Variants in RORA observed in about 807,000 individuals in gnomAD.
The protein encoded by RORA is RAR related orphan receptor A.
A neutral mutation model predicts 69.5 loss-of-function variants in RORA; 7 were observed. The ratio of observed to expected loss-of-function variants is 0.10; its 90% CI spans 0.06 to 0.19. The LOEUF is 0.19. Among genes scored for constraint, RORA ranks in the 10% least tolerant of loss-of-function variants. RORA has a pLI of 1.00. For synonymous variants in RORA, 261 were observed against 240.8 expected (o/e 1.08, Z -0.78); for missense variants, 457 against 663.0 (o/e 0.69, Z 3.41).
chr15:61,041,643 C>G (rs895965900), intron 1 of RORA, among the ~76,000 whole-genome samples: 1 of 152,156 alleles, frequency 6.6e-6, no homozygotes, highest in Non-Finnish European at 1.5e-5. Context: ...ACTGCAGCCT[C>G]GAACTCCTGG....
intron 2 of RORA, among the ~76,000 whole-genome samples, chr15:60,615,419 G>A (rs1309777959): frequency 6.6e-6 from 1 of 152,282 alleles, no homozygotes; most frequent in South Asian, 2.1e-4. Flanking sequence ...AATGAGAAGG[G>A]GAGGGAAGAT....
At chr15:60,937,323 T>G (rs946978580) in intron 1 of RORA, among the ~76,000 whole-genome samples, 1 of 152,206 alleles carries the variant, frequency 6.6e-6, no homozygotes, top group African/African-American at 2.4e-5. Context: ...TTAAGAGTAT[T>G]TACTGTCTGG....
intron 1 of RORA, among the ~76,000 whole-genome samples, chr15:60,804,284 T>C (rs1192371998): frequency 2.3e-5 from 1 of 42,682 alleles, no homozygotes; most frequent in Non-Finnish European, 4.4e-5. Context: ...GCAAACTCCA[T>C]CTCAAAAAAA....
At chr15:61,155,623 G>C (rs756899804) in intron 1 of RORA, among the ~76,000 whole-genome samples, 1 of 152,180 alleles carries the variant, frequency 6.6e-6, no homozygotes, top group South Asian at 2.1e-4. Flanking sequence ...AACAGAGACC[G>C]ATCAATGGGA....
At chr15:61,077,735 A>G (rs938300419) in intron 1 of RORA, among the ~76,000 whole-genome samples, 6 of 152,166 alleles carry the variant, frequency 3.9e-5, no homozygotes, top group African/African-American at 1.2e-4. Flanking sequence ...TAAAATAAAA[A>G]CTAATGCCCA....
intron 1 of RORA, among the ~76,000 whole-genome samples, chr15:61,027,334 C>T (rs1895876630): frequency 6.6e-6 from 1 of 152,254 alleles, no homozygotes; most frequent in South Asian, 2.1e-4. Flanking sequence ...CTAGCCATAC[C>T]TTTCTATTGG....
intron 2 of RORA, among the ~76,000 whole-genome samples, chr15:60,643,455 C>A (rs900394064): frequency 9.9e-5 from 15 of 152,168 alleles, no homozygotes; most frequent in Non-Finnish European, 2.1e-4. Flanking sequence ...AAGGAGGCTA[C>A]CACTCTTCTT....
Position 60,705,132 on chromosome 15 carries a change from A to AT in RORA, c.167-26447_167-26446insA, listed in dbSNP as rs958908303. Among the ~76,000 whole-genome samples the AT allele has an allele frequency of 9.9e-5, 15 of 151,494 alleles. No individual in the cohort carries two copies. The East Asian group carries it at 2.5e-3, about 25-fold the overall frequency. ...ATTATGACATTTTTGTGCCAGAAAA[A>AT]AAAAAAGAAAGAAAAAGTGAGCAGT... On this transcript the variant is annotated intron_variant, in intron 1 of 10. Transcript: ENST00000335670.
At chr15:60,827,123 T>C (rs1487546431) in intron 1 of RORA, among the ~76,000 whole-genome samples, 4 of 152,232 alleles carry the variant, frequency 2.6e-5, no homozygotes, top group Non-Finnish European at 5.9e-5. Context: ...CAAGCCCCTC[T>C]TCCCAATGTT....
At chr15:60,826,806 A>G (rs929071516) in intron 1 of RORA, among the ~76,000 whole-genome samples, 2 of 149,144 alleles carry the variant, frequency 1.3e-5, no homozygotes, top group Non-Finnish European at 3.0e-5. Flanking sequence ...TTTTAAAGAC[A>G]CACCTGTTCT....
At chr15:61,084,691 T>G (rs1337157639) in intron 1 of RORA, among the ~76,000 whole-genome samples, 1 of 152,210 alleles carries the variant, frequency 6.6e-6, no homozygotes, top group African/African-American at 2.4e-5. Flanking sequence ...AACAGAGCAA[T>G]GCACAGAACC....
intron 1 of RORA, among the ~76,000 whole-genome samples, chr15:60,897,559 C>A (rs1466349117): frequency 6.6e-6 from 1 of 152,218 alleles, no homozygotes. Flanking sequence ...GTCTGATTTA[C>A]CCTTGCTCAG....
At chr15:61,212,270 G>GATA (rs2079999907) in intron 1 of RORA, among the ~76,000 whole-genome samples, 1 of 151,944 alleles carries the variant, frequency 6.6e-6, no homozygotes, top group Non-Finnish European at 1.5e-5. Flanking sequence ...AAAAAAAAAG[G>GATA]CTGCAACACT....
chr15:60,608,840 A>G (rs1470377139), intron 2 of RORA, among the ~76,000 whole-genome samples: 1 of 152,158 alleles, frequency 6.6e-6, no homozygotes, highest in Admixed American at 6.5e-5. Context: ...ATCAGGCCTT[A>G]TAACAATCTA....
chr15:61,063,713 T>C (rs2078218440), intron 1 of RORA, among the ~76,000 whole-genome samples: 1 of 152,202 alleles, frequency 6.6e-6, no homozygotes, highest in Non-Finnish European at 1.5e-5. Context: ...ATAAAGTATT[T>C]AGAGTGCTTC....
At position 61,070,555 on chromosome 15, in the gene RORA, A is replaced by C. The variant is rs2078326615; in HGVS notation, c.166+158498T>G. ...GACAGATTTTTTCCACGGAAATAAAATACATGCTTATTCATCTGCTCATTC... is the reference window on the plus strand; with the variant it reads ...GACAGATTTTTTCCACGGAAATAAACTACATGCTTATTCATCTGCTCATTC... On this transcript the variant is annotated intron_variant, in intron 1 of 10. Coordinates refer to ENST00000335670, the MANE Select transcript of RORA (RefSeq NM_134261.3). 2.0e-5 allele frequency among the ~76,000 whole-genome samples: 3 copies of C among 152,258 alleles called. No individual in the cohort carries two copies. The South Asian group carries it at 6.2e-4, about 32-fold the overall frequency.
intron 1 of RORA, among the ~76,000 whole-genome samples, chr15:61,116,709 G>A (rs572975566): frequency 1.3e-5 from 2 of 152,170 alleles, no homozygotes; most frequent in Non-Finnish European, 2.9e-5. Context: ...CTGGGTGCTG[G>A]GTGAGTTCTG....
rs2065174160 is a variant in RORA at position 60,496,594 on chromosome 15, A to G, written c.*861T>C. On this transcript the variant is annotated 3_prime_UTR_variant, in exon 11 of 11. Transcript: ENST00000335670. The surrounding 1 kb of genome is among the most constrained non-coding windows in gnomAD (Gnocchi z 4.5). Reference sequence around the variant, plus strand: ...AGGGAGAGTTCCGTTTCTAATTCCAAATTCACATGTTAAAAAAAAAATCCA... The same window carrying G: ...AGGGAGAGTTCCGTTTCTAATTCCAGATTCACATGTTAAAAAAAAAATCCA... 6.6e-6 allele frequency: 1 copy of G among 152,150 alleles called. No individual in the cohort carries two copies. Among genetic ancestry groups the G allele is most frequent in the Non-Finnish European group, 1.5e-5 (1 of 68,024 alleles). The allele number at this position is 152,150 out of a possible 1,614,324, so 9.4% of individuals were successfully genotyped here. A position where few individuals can be genotyped will look rare whatever the true frequency, so the allele number is the denominator to read the frequency against.
intron 1 of RORA, among the ~76,000 whole-genome samples, chr15:60,820,735 G>A (rs188944432): frequency 7.2e-5 from 11 of 152,234 alleles, no homozygotes; most frequent in African/African-American, 2.6e-4. Context: ...AGATCTGGAG[G>A]TCCCAACTTC....
Sources: gnomAD v4.1 joint callset for allele counts (sites outside exome capture counted in the v4.1 genomes callset) on GRCh38, gnomAD v4.1.1 for gene constraint, Gnocchi (gnomAD v3.1) non-coding constraint, MANE v1.5 for transcripts, NCBI Gene and HGNC (gene_info 2026-07-23, HGNC 2026-07-21) for gene names.